The following TENT4B variants were observed in gnomAD, a reference collection of about 807,000 sequenced individuals.
TENT4B encodes PAP associated domain containing 5.
In TENT4B, 10 loss-of-function variants were observed where a neutral mutation model predicts 75.0. The observed-to-expected ratio is 0.13, with a 90% CI of 0.08 to 0.23. The LOEUF is 0.23. Ranked by LOEUF, TENT4B falls within the 10% of genes least tolerant of loss-of-function variation. TENT4B has a pLI of 1.00. For synonymous variants in TENT4B, 350 were observed against 357.7 expected, an observed-to-expected ratio of 0.98 and a Z score of 0.24; for missense variants, 579 against 893.8, an observed-to-expected ratio of 0.65 and a Z score of 4.49.
In TENT4B at chr16:50,154,305, G is replaced by T. The variant is rs373443536; in HGVS notation, c.638+46G>T. ...CCGATGGCCTGGCCGGTGCGAATGCGCAGCCGGGCACACGCCCACAGAGGG... is the reference window on the plus strand; with the variant it reads ...CCGATGGCCTGGCCGGTGCGAATGCTCAGCCGGGCACACGCCCACAGAGGG... On this transcript the variant is annotated intron_variant, in intron 1 of 11. Coordinates refer to ENST00000561678, the MANE Select transcript of TENT4B (RefSeq NM_001365324.3). 2,067 of 1,383,862 alleles carry T rather than the reference G, an allele frequency of 1.5e-3. 4 individuals are homozygous for T. Among genetic ancestry groups the T allele is most frequent in the Non-Finnish European group, 1.8e-3 (1,937 of 1,075,334 alleles). 85.7% of individuals were successfully genotyped at this position (1,383,862 alleles called of 1,614,324 possible).
At chr16:50,214,713 GAA>G (rs773182576) in intron 3 of TENT4B, among the ~76,000 whole-genome samples, 1 of 152,164 alleles carries the variant, frequency 6.6e-6, no homozygotes, top group Non-Finnish European at 1.5e-5. Context: ...GATTTACCTT[GAA>G]GTAGAATATC....
chr16:50,205,956 A>G (rs570630024), intron 1 of TENT4B, among the ~76,000 whole-genome samples: 4 of 152,146 alleles, frequency 2.6e-5, no homozygotes, highest in African/African-American at 9.6e-5. Flanking sequence ...TTTCTTTCCA[A>G]TTTAACATAT....
At chr16:50,169,965 C>CACAGGTCATAGGTCTGTTCTGGTT (rs2038174888) in intron 1 of TENT4B, among the ~76,000 whole-genome samples, 1 of 152,190 alleles carries the variant, frequency 6.6e-6, no homozygotes, top group Non-Finnish European at 1.5e-5. Flanking sequence ...AGACAAAGTT[C>CACAGGTCATAGGTCTGTTCTGGTT]TCTCAGCCTA....
At chr16:50,153,098 C>T (rs1199797124), upstream of TENT4B, 5 of 1,309,882 alleles carry the variant, frequency 3.8e-6, no homozygotes, top group Non-Finnish European at 4.9e-6. Context: ...CCCCGTCGCG[C>T]CGCGGCCTCT....
At chr16:50,223,456 A>C in intron 7 of TENT4B, 69 bp downstream of exon 7, 1 of 1,019,274 alleles carries the variant, frequency 9.8e-7, no homozygotes, top group Non-Finnish European at 1.4e-6. Flanking sequence ...TTATACTTTA[A>C]ATTCTCTTTA....
At position 50,229,141 on chromosome 16, in the gene TENT4B, T is replaced by G. The variant is rs1340951418; in HGVS notation, c.1966-11T>G. On this transcript the variant is annotated splice_polypyrimidine_tract_variant and intron_variant, in intron 11 of 11. Coordinates refer to ENST00000561678, the MANE Select transcript of TENT4B (RefSeq NM_001365324.3). ...TACTGATGTCTTTGTGGTCGTTTTC[T>G]GTTTCTGCAGCATGGATCAGCAAGG... The G allele has an allele frequency of 1.2e-6, 2 of 1,611,380 alleles. No individual in the cohort carries two copies. Among genetic ancestry groups the G allele is most frequent in the South Asian group, 2.2e-5 (2 of 90,448 alleles).
chr16:50,188,357 A>G (rs1241580088), intron 1 of TENT4B, among the ~76,000 whole-genome samples: 3 of 152,124 alleles, frequency 2.0e-5, no homozygotes, highest in Non-Finnish European at 2.9e-5. Context: ...TGGCATGTAT[A>G]TTATGCAGGG....
intron 1 of TENT4B, among the ~76,000 whole-genome samples, chr16:50,163,947 C>T (rs1049823748): frequency 9.9e-5 from 15 of 151,540 alleles, no homozygotes; most frequent in African/African-American, 2.4e-4. Context: ...CACCTGAGGT[C>T]GGGAGTTCGA....
chr16:50,234,133 T>C lies in TENT4B; in HGVS notation c.*4805T>C, dbSNP rs1291407725. The C allele has an allele frequency of 3.0e-6, 3 of 985,312 alleles. No homozygotes were observed. Among genetic ancestry groups the C allele is most frequent in the African/African-American group, 3.5e-5 (2 of 57,228 alleles). 61.0% of individuals were successfully genotyped at this position (985,312 alleles called of 1,614,324 possible). A position where few individuals can be genotyped will look rare whatever the true frequency, so the allele number is the denominator to read the frequency against. Reference sequence around the variant, plus strand: ...AAGATGCCTAGAAACAAAACGCATATAGTACCAGTGAGAAACTATGAAGTA... The same window carrying C: ...AAGATGCCTAGAAACAAAACGCATACAGTACCAGTGAGAAACTATGAAGTA... On this transcript the variant is annotated 3_prime_UTR_variant, in exon 12 of 12. Coordinates refer to ENST00000561678, the MANE Select transcript of TENT4B (RefSeq NM_001365324.3).
chr16:50,154,050 C>G lies in TENT4B; in HGVS notation c.429C>G (p.Ala143=), dbSNP rs1457704563. The change falls in exon 1 of 12, where the codon GCC becomes GCG. Residue 143 remains alanine (A), a synonymous_variant. Coordinates refer to ENST00000561678, the MANE Select transcript of TENT4B (RefSeq NM_001365324.3). ...PSASSSPHPS[A]AVPAADPADS... ...CGTCCTCGTCCCCGCACCCTTCGGC[C>G]GCCGTCCCCGCCGCCGATCCAGCCG... The G allele has an allele frequency of 1.3e-6, 2 of 1,531,132 alleles. No homozygotes were observed. The highest frequency in any genetic ancestry group is 2.0e-5 in the Admixed American group (1 of 50,206). The allele number at this position is 1,531,132 out of a possible 1,614,324, so 94.8% of individuals were successfully genotyped here.
intron 5 of TENT4B, among the ~76,000 whole-genome samples, chr16:50,219,216 A>G (rs1246699954): frequency 2.0e-5 from 3 of 152,190 alleles, no homozygotes; most frequent in Non-Finnish European, 2.9e-5. Flanking sequence ...TCACCCTTAC[A>G]CCATAGATAC....
Position 50,153,744 on chromosome 16 carries a change from C to T in TENT4B, c.123C>T (p.Ser41=). ...TCTACTTCAACCACCACTGTCACAG[C>T]AGCGGCGGCGCGAGCGGCGGCGGCG... ...RNLYFNHHCH[S]SGGASGGGGS... The change falls in exon 1 of 12, where the codon AGC becomes AGT. Residue 41 remains serine, a synonymous_variant. Coordinates refer to ENST00000561678, the MANE Select transcript of TENT4B (RefSeq NM_001365324.3). 1.9e-6 allele frequency: 2 copies of T among 1,057,836 alleles called. No individual in the cohort carries two copies. The highest frequency in any genetic ancestry group is 2.3e-6 in the Non-Finnish European group (2 of 878,388). 65.5% of individuals were successfully genotyped at this position (1,057,836 alleles called of 1,614,324 possible).
chr16:50,194,505 A>T (rs552564293), intron 1 of TENT4B, among the ~76,000 whole-genome samples: 3 of 150,606 alleles, frequency 2.0e-5, no homozygotes, highest in South Asian at 2.1e-4. Context: ...ATGAGCCACC[A>T]TGCCTGGCCA....
intron 4 of TENT4B, among the ~76,000 whole-genome samples, chr16:50,216,824 A>AC (rs1372827962): frequency 1.4e-5 from 1 of 70,778 alleles, no homozygotes; most frequent in Non-Finnish European, 2.5e-5. Flanking sequence ...CTGCTTATTT[A>AC]AAAAATTTTT....
intron 2 of TENT4B, among the ~76,000 whole-genome samples, chr16:50,212,709 C>G (rs2031349068): frequency 6.6e-6 from 1 of 152,104 alleles, no homozygotes; most frequent in African/African-American, 2.4e-5. Flanking sequence ...CAGCTAGTGG[C>G]TATTTTGTTC....
rs564044366 is a variant in TENT4B, at chr16:50,232,249, C to T, written c.*2921C>T. On this transcript the variant is annotated 3_prime_UTR_variant, in exon 12 of 12. Coordinates refer to ENST00000561678, the MANE Select transcript of TENT4B (RefSeq NM_001365324.3). ...ATGTCTTTGTTTGGTTTGGAGATGT[C>T]GCACTCAGTTTTCAAATCTAGCTTG... 1.2e-5 allele frequency: 12 copies of T among 985,338 alleles called. No homozygotes were observed. Among genetic ancestry groups the T allele is most frequent in the East Asian group, 1.1e-4 (1 of 8,816 alleles). 61.0% of individuals were successfully genotyped at this position (985,338 alleles called of 1,614,324 possible). A position where few individuals can be genotyped will look rare whatever the true frequency, so the allele number is the denominator to read the frequency against.
intron 11 of TENT4B, among the ~76,000 whole-genome samples, chr16:50,228,941 C>T (rs1179552715): frequency 6.6e-6 from 1 of 152,134 alleles, no homozygotes; most frequent in Non-Finnish European, 1.5e-5. Flanking sequence ...CTATGCTTTT[C>T]ATTATTTCCA....
intron 5 of TENT4B, among the ~76,000 whole-genome samples, chr16:50,219,080 G>A (rs556836043): frequency 2.6e-5 from 4 of 152,042 alleles, no homozygotes; most frequent in East Asian, 1.9e-4. Context: ...ATCCATAATC[G>A]CACTATATTG....
upstream of TENT4B, among the ~76,000 whole-genome samples, chr16:50,153,245 A>C (rs940611349): frequency 3.8e-3 from 506 of 132,540 alleles, 6 homozygotes; most frequent in African/African-American, 0.012. Flanking sequence ...GGGCCGGAGG[A>C]GCGAGGACGC....
Sources: allele counts gnomAD v4.1 joint callset (sites outside exome capture counted in the v4.1 genomes callset), GRCh38; gene constraint gnomAD v4.1.1; transcripts MANE v1.5; gene names NCBI Gene and HGNC (gene_info 2026-07-23, HGNC 2026-07-21).